The following RANBP17 variants were observed in gnomAD, a reference collection of about 807,000 sequenced individuals.
RANBP17 encodes the protein ran-binding protein 17.
A neutral mutation model predicts 141.2 loss-of-function variants in RANBP17; 158 were observed. The ratio of observed to expected loss-of-function variants is 1.12; its 90% confidence interval spans 0.98 to 1.28. The LOEUF is 1.28. RANBP17 is among the 50% of genes most tolerant of loss of function. The probability of loss-of-function intolerance (pLI) is 0.00; values close to 1 mark genes in which losing one functional copy is unlikely to be tolerated. For synonymous variants in RANBP17, 430 were observed against 450.0 expected (o/e 0.96, Z 0.56); for missense variants, 1,438 against 1,290.7 (o/e 1.11, Z -1.75).
chr5:171,248,774 C>G (rs949393096), intron 24 of RANBP17, among the ~76,000 whole-genome samples: 7 of 152,144 alleles, frequency 4.6e-5, no homozygotes, highest in African/African-American at 1.7e-4. Context: ...TTCCTGCTGA[C>G]ATTCCCCAGT....
intron 12 of RANBP17, among the ~76,000 whole-genome samples, chr5:170,933,407 A>C (rs1344404212): frequency 1.3e-5 from 2 of 151,752 alleles, no homozygotes; most frequent in African/African-American, 4.8e-5. Context: ...TTGTGTCTCT[A>C]TTTCCTTCAG....
chr5:171,082,501 AATT>A (rs904838735), intron 14 of RANBP17, among the ~76,000 whole-genome samples: 10 of 152,120 alleles, frequency 6.6e-5, no homozygotes, highest in African/African-American at 2.4e-4. Context: ...TCTCAGATAA[AATT>A]ATAGTCTCAT....
intron 18 of RANBP17, among the ~76,000 whole-genome samples, chr5:171,192,653 A>C (rs1761726608): frequency 6.6e-6 from 1 of 152,212 alleles, no homozygotes; most frequent in Admixed American, 6.5e-5. Flanking sequence ...ATCACAAAGC[A>C]AGTTCTTAGA....
intron 14 of RANBP17, among the ~76,000 whole-genome samples, chr5:171,076,293 G>A (rs1356706174): frequency 6.6e-6 from 1 of 152,156 alleles, no homozygotes; most frequent in Non-Finnish European, 1.5e-5. Flanking sequence ...GCAAAACTGG[G>A]ATTTTGGGTT....
At chr5:170,985,344 A>G (rs79326456) in intron 14 of RANBP17, among the ~76,000 whole-genome samples, 2 of 152,176 alleles carry the variant, frequency 1.3e-5, no homozygotes, top group South Asian at 4.1e-4. Flanking sequence ...AGGTCCTGGA[A>G]TGTATTTTCC....
chr5:171,280,662 A>G (rs1767799670), intron 25 of RANBP17, among the ~76,000 whole-genome samples: 1 of 152,176 alleles, frequency 6.6e-6, no homozygotes, highest in Non-Finnish European at 1.5e-5. Context: ...GTTTGTCTGT[A>G]ATCTTATCAC....
intron 14 of RANBP17, among the ~76,000 whole-genome samples, chr5:171,014,862 T>C (rs2127594709): frequency 6.6e-6 from 1 of 152,214 alleles, no homozygotes; most frequent in Middle Eastern, 3.4e-3. Context: ...ACAGATTCTT[T>C]CAGCTTTCAT....
At chr5:171,295,219 A>G (rs1768742219) in intron 26 of RANBP17, among the ~76,000 whole-genome samples, 2 of 152,322 alleles carry the variant, frequency 1.3e-5, no homozygotes, top group South Asian at 4.1e-4. Flanking sequence ...GTTTAGTATC[A>G]GAACTTGTGT....
chr5:171,012,845 A>G (rs560788214), intron 14 of RANBP17, among the ~76,000 whole-genome samples: 2 of 152,142 alleles, frequency 1.3e-5, no homozygotes, highest in African/African-American at 2.4e-5. Flanking sequence ...ACAAATGTAT[A>G]TGGTTGCTTG....
chr5:170,936,422 C>A (rs1773887150), intron 12 of RANBP17, among the ~76,000 whole-genome samples: 1 of 152,148 alleles, frequency 6.6e-6, no homozygotes. Context: ...CACCAAGCCG[C>A]TGTTTTATTT....
At chr5:171,273,208 A>T (rs1767241375) in intron 25 of RANBP17, among the ~76,000 whole-genome samples, 1 of 152,180 alleles carries the variant, frequency 6.6e-6, no homozygotes. Flanking sequence ...TTCACCACTG[A>T]TTCATCAGCA....
At chr5:171,144,571 C>T (rs1048506036) in intron 14 of RANBP17, among the ~76,000 whole-genome samples, 1 of 152,126 alleles carries the variant, frequency 6.6e-6, no homozygotes, top group South Asian at 2.1e-4. Context: ...TTGATGGCTG[C>T]GAATGGTGCC....
intron 13 of RANBP17, among the ~76,000 whole-genome samples, chr5:170,962,418 A>G (rs1157839137): frequency 6.6e-6 from 1 of 152,258 alleles, no homozygotes; most frequent in Admixed American, 6.5e-5. Context: ...TGCTATAAAA[A>G]GGAAATAAAA....
At chr5:171,053,915 ATATATAT>A (rs1783156373) in intron 14 of RANBP17, among the ~76,000 whole-genome samples, 1 of 81,372 alleles carries the variant, frequency 1.2e-5, no homozygotes, top group Non-Finnish European at 2.6e-5. Flanking sequence ...ATATATATAT[ATATATAT>A]ATAATTGCTG....
At chr5:171,019,222 T>G (rs554041510) in intron 14 of RANBP17, among the ~76,000 whole-genome samples, 2 of 152,344 alleles carry the variant, frequency 1.3e-5, no homozygotes, top group South Asian at 4.1e-4. Flanking sequence ...AATTTTCTTT[T>G]TATGTCATGT....
At chr5:170,863,011 G>A (rs1223355077) in intron 1 of RANBP17, among the ~76,000 whole-genome samples, 2 of 152,156 alleles carry the variant, frequency 1.3e-5, no homozygotes, top group Non-Finnish European at 2.9e-5. Flanking sequence ...AAGATTCTTT[G>A]AGCCTCCATT....
chr5:171,239,336 T>C (rs953931910), intron 22 of RANBP17, among the ~76,000 whole-genome samples: 1 of 152,176 alleles, frequency 6.6e-6, no homozygotes, highest in Non-Finnish European at 1.5e-5. Context: ...ACCTTTACCC[T>C]GTGCTGGTCC....
At chr5:171,274,905 A>G (rs989063196) in intron 25 of RANBP17, among the ~76,000 whole-genome samples, 1 of 152,234 alleles carries the variant, frequency 6.6e-6, no homozygotes, top group Non-Finnish European at 1.5e-5. Context: ...TTTATTCTAA[A>G]CATGGGTGAA....
chr5:170,922,513 C>A (rs1772548502), intron 11 of RANBP17, among the ~76,000 whole-genome samples: 1 of 152,164 alleles, frequency 6.6e-6, no homozygotes, highest in Admixed American at 6.5e-5. Context: ...GCTATTCAAG[C>A]CTCAGCAATG....
Sources: allele counts gnomAD v4.1 joint callset (sites outside exome capture counted in the v4.1 genomes callset), GRCh38; gene constraint gnomAD v4.1.1; transcripts MANE v1.5; gene names NCBI Gene and HGNC (gene_info 2026-07-23, HGNC 2026-07-21).